Variants in CRISPLD2 observed in about 807,000 individuals in gnomAD.
The protein encoded by CRISPLD2 is cysteine rich secretory protein LCCL domain containing 2, also known as cysteine-rich secretory protein LCCL domain-containing 2.
A neutral mutation model predicts 71.1 loss-of-function variants in CRISPLD2; 47 were observed. That is an observed-to-expected ratio of 0.66 (90% CI 0.52 to 0.84). The LOEUF (loss-of-function observed/expected upper bound fraction) is 0.84. CRISPLD2 is among the 40% of genes least tolerant of loss of function. The pLI is 0.00. For synonymous variants in CRISPLD2, 317 were observed against 250.1 expected (o/e 1.27, Z -2.52); for missense variants, 830 against 651.1 (o/e 1.27, Z -2.99).
At chr16:84,825,066 CACT>C (rs1249283652) in intron 1 of CRISPLD2, among the ~76,000 whole-genome samples, 1 of 152,204 alleles carries the variant, frequency 6.6e-6, no homozygotes, top group South Asian at 2.1e-4. Context: ...ATCACGCCAC[CACT>C]GCACTCCAGC....
intron 13 of CRISPLD2, among the ~76,000 whole-genome samples, chr16:84,884,886 C>A (rs779674169): frequency 5.3e-5 from 8 of 152,222 alleles, no homozygotes; most frequent in Admixed American, 1.3e-4. Flanking sequence ...GAGGGTGCCC[C>A]TCCCCCGCCA....
intron 14 of CRISPLD2, among the ~76,000 whole-genome samples, chr16:84,904,857 C>T (rs1452797029): frequency 6.6e-6 from 1 of 152,148 alleles, no homozygotes; most frequent in Non-Finnish European, 1.5e-5. Context: ...TTACAGATGT[C>T]TGAGAAAACA....
At chr16:84,844,756 G>A (rs745719847) in intron 2 of CRISPLD2, among the ~76,000 whole-genome samples, 11 of 152,200 alleles carry the variant, frequency 7.2e-5, no homozygotes, top group Non-Finnish European at 1.6e-4. Flanking sequence ...GCCAGTGAGA[G>A]TCTAAAATCC....
chr16:84,896,392 A>G (rs899149815), intron 14 of CRISPLD2, among the ~76,000 whole-genome samples: 1 of 151,894 alleles, frequency 6.6e-6, no homozygotes, highest in African/African-American at 2.4e-5. Context: ...ATAGAGAGAG[A>G]CACACACACA....
intron 6 of CRISPLD2, among the ~76,000 whole-genome samples, chr16:84,863,585 G>A (rs1274926128): frequency 4.6e-5 from 7 of 152,250 alleles, no homozygotes; most frequent in African/African-American, 1.4e-4. Flanking sequence ...GCGAGCCTGG[G>A]CAGGGCCCTT....
At chr16:84,845,582 C>A (rs553957173) in intron 2 of CRISPLD2, among the ~76,000 whole-genome samples, 1 of 152,242 alleles carries the variant, frequency 6.6e-6, no homozygotes, top group African/African-American at 2.4e-5. Context: ...AGTTAGAGGC[C>A]CAGCAGGAGG....
chr16:84,870,321 G>GT (rs1017987723), intron 8 of CRISPLD2, among the ~76,000 whole-genome samples: 456 of 145,512 alleles, frequency 3.1e-3, no homozygotes, highest in African/African-American at 5.4e-3. Flanking sequence ...CATGTATTTT[G>GT]TTTTTTTTTT....
chr16:84,850,722 G>A, intron 5 of CRISPLD2, 39 bp downstream of exon 5: 11 of 1,537,240 alleles, frequency 7.2e-6, no homozygotes, highest in African/African-American at 1.4e-5. Flanking sequence ...GTGGGGGTTG[G>A]GATGTGTTTG....
intron 14 of CRISPLD2, among the ~76,000 whole-genome samples, chr16:84,897,523 C>A (rs990523794): frequency 1.3e-5 from 2 of 152,192 alleles, no homozygotes; most frequent in Admixed American, 1.3e-4. Flanking sequence ...CTCAACTTCC[C>A]ATACCCAGAA....
rs1597471122 is a variant in CRISPLD2 at position 84,873,034 on chromosome 16, G to T, written c.1024G>T (p.Asp342Tyr). The T allele has an allele frequency of 6.2e-7, 1 of 1,613,938 alleles. No individual in the cohort carries two copies. ...CRAAIHYGIL[D>Y]DKGGLVDITR... ...CGCCGCCATCCACTACGGGATCCTG[G>T]ATGACAAGGGAGGCCTGGTGGATAT... Residue 342 changes from aspartate to tyrosine, a missense_variant, in exon 10 of 15, where the codon GAT (aspartate) becomes TAT (tyrosine). Coordinates refer to ENST00000262424, the MANE Select transcript of CRISPLD2 (RefSeq NM_031476.4).
chr16:84,862,382 T>C (rs986482572), intron 6 of CRISPLD2, among the ~76,000 whole-genome samples: 10 of 152,066 alleles, frequency 6.6e-5, no homozygotes, highest in African/African-American at 2.2e-4. Context: ...AAATTTTTTG[T>C]AGAGACGGGA....
intron 1 of CRISPLD2, among the ~76,000 whole-genome samples, chr16:84,831,894 C>G (rs188460626): frequency 1.2e-3 from 181 of 152,282 alleles, no homozygotes; most frequent in African/African-American, 4.2e-3. Flanking sequence ...ACCACCACAC[C>G]TGGCTAAGGT....
At chr16:84,831,768 C>T (rs1289707734) in intron 1 of CRISPLD2, among the ~76,000 whole-genome samples, 2 of 152,008 alleles carry the variant, frequency 1.3e-5, no homozygotes, top group African/African-American at 2.4e-5. Context: ...TGAGTCTTGC[C>T]GTGTCACCCA....
intron 7 of CRISPLD2, among the ~76,000 whole-genome samples, chr16:84,867,971 C>T (rs1049809844): frequency 5.3e-5 from 8 of 152,192 alleles, no homozygotes; most frequent in Admixed American, 2.0e-4. Flanking sequence ...AGGCCGGGGG[C>T]TGTGGAGGGG....
chr16:84,830,548 C>T (rs936686638), intron 1 of CRISPLD2, among the ~76,000 whole-genome samples: 19 of 151,870 alleles, frequency 1.3e-4, no homozygotes, highest in Non-Finnish European at 1.5e-4. Flanking sequence ...ACTAAAAATA[C>T]AAAAATTAGC....
chr16:84,873,913 T>C lies in CRISPLD2; in HGVS notation c.1113-7T>C. On this transcript the variant is annotated splice_region_variant and splice_polypyrimidine_tract_variant and intron_variant, in intron 10 of 14. Transcript: ENST00000262424. ...TGCCCGTTTTTTTTTTTTTTTTTTT[T>C]AAACAGCAAATACAAACCTTCCAGC... The C allele has an allele frequency of 6.9e-7, 1 of 1,444,758 alleles. No homozygotes were observed. The highest frequency in any genetic ancestry group is 9.2e-7 in the Non-Finnish European group (1 of 1,083,392). The allele number at this position is 1,444,758 out of a possible 1,614,324, so 89.5% of individuals were successfully genotyped here. A position where few individuals can be genotyped will look rare whatever the true frequency, so the allele number is the denominator to read the frequency against.
intron 14 of CRISPLD2, among the ~76,000 whole-genome samples, chr16:84,902,472 T>G (rs1246760954): frequency 6.6e-6 from 1 of 151,488 alleles, no homozygotes; most frequent in African/African-American, 2.4e-5. Context: ...TAGCCAGGCG[T>G]GGTGTTGGAC....
intron 13 of CRISPLD2, among the ~76,000 whole-genome samples, chr16:84,888,885 A>C (rs930467386): frequency 6.6e-6 from 1 of 152,196 alleles, no homozygotes; most frequent in African/African-American, 2.4e-5. Flanking sequence ...TGTTTTCTTC[A>C]TAGCCGATGC....
chr16:84,889,384 C>G, intron 14 of CRISPLD2, 21 bp downstream of exon 14: 1 of 1,594,630 alleles, frequency 6.3e-7, no homozygotes, highest in Non-Finnish European at 8.6e-7. Context: ...GTTCTCCAAC[C>G]CTTGACACCC....
Sources: gnomAD v4.1 joint callset for allele counts (sites outside exome capture counted in the v4.1 genomes callset) on GRCh38, gnomAD v4.1.1 for gene constraint, MANE v1.5 for transcripts, NCBI Gene and HGNC (gene_info 2026-07-23, HGNC 2026-07-21) for gene names.